The following DCLRE1A variants were observed in gnomAD, a reference collection of about 807,000 sequenced individuals.
DCLRE1A encodes DNA cross-link repair 1A, also known as DNA cross-link repair 1A protein.
In DCLRE1A, 64 loss-of-function variants were observed where a neutral mutation model predicts 91.9. The observed-to-expected ratio is 0.70, with a 90% confidence interval of 0.57 to 0.86. DCLRE1A has a LOEUF of 0.86. Among genes scored for constraint, DCLRE1A ranks in the 40% least tolerant of loss-of-function variants. DCLRE1A has a pLI of 0.00. For missense variants in DCLRE1A, 1,145 were observed against 1,213.3 expected, an observed-to-expected ratio of 0.94 and a Z score of 0.84; for synonymous variants, 416 against 431.1, an observed-to-expected ratio of 0.96 and a Z score of 0.43.
In DCLRE1A at chr10:113,841,626, G is replaced by T; in HGVS notation, c.2666-66C>A. The T allele has an allele frequency of 2.0e-6, 3 of 1,487,616 alleles. No individual in the cohort carries two copies. In the South Asian group the frequency reaches 4.2e-5, roughly 21 times the overall value. 92.2% of individuals were successfully genotyped at this position (1,487,616 alleles called of 1,614,324 possible). On this transcript the variant is annotated intron_variant, in intron 6 of 8. Transcript: ENST00000361384. ...CTTGTGAAAAAAAGTTACAGCTTAAGCAAATTTTAAGGTAAGAATTTACCA... is the reference window on the plus strand; with the variant it reads ...CTTGTGAAAAAAAGTTACAGCTTAATCAAATTTTAAGGTAAGAATTTACCA...
Position 113,841,403 on chromosome 10 carries a change from T to A in DCLRE1A, c.2820+3A>T, listed in dbSNP as rs1234563970. The A allele has an allele frequency of 6.2e-7, 1 of 1,611,944 alleles. No homozygotes were observed. The highest frequency in any genetic ancestry group is 1.3e-5 in the African/African-American group (1 of 74,970). ...CTAAAAGACATATCTCTTGAATGCT[T>A]ACCTTAAAATTAATTTGCATCATTG... is the stretch of plus-strand genomic sequence containing the variant. On this transcript the variant is annotated splice_donor_region_variant and intron_variant, in intron 7 of 8. Transcript: ENST00000361384.
chr10:113,845,894 T>A (rs2134660857), intron 3 of DCLRE1A, 91 bp from the exon 4 acceptor site: 2 of 1,046,548 alleles, frequency 1.9e-6, no homozygotes, highest in Admixed American at 1.7e-5. Flanking sequence ...CTTAATAACA[T>A]CCATTTTCCT....
intron 7 of DCLRE1A, among the ~76,000 whole-genome samples, chr10:113,838,056 G>C (rs1257809163): frequency 2.0e-5 from 3 of 151,890 alleles, no homozygotes; most frequent in Non-Finnish European, 2.9e-5. Context: ...TCAAATAAGA[G>C]CCTTTTATTA....
At chr10:113,844,519 C>G (rs772599942) in intron 4 of DCLRE1A, among the ~76,000 whole-genome samples, 1 of 152,222 alleles carries the variant, frequency 6.6e-6, no homozygotes, top group Non-Finnish European at 1.5e-5. Flanking sequence ...GAAATGAACT[C>G]TGAACCCTAG....
intron 2 of DCLRE1A, 29 bp downstream of exon 2, chr10:113,848,951 A>G: frequency 6.3e-7 from 1 of 1,579,802 alleles, no homozygotes; most frequent in African/African-American, 1.4e-5. Flanking sequence ...GTCTTTGTTG[A>G]TATATCGAGT....
chr10:113,849,932 A>C lies in DCLRE1A; in HGVS notation c.1173T>G (p.Asn391Lys), dbSNP rs1845613896. Residue 391 changes from asparagine to lysine, a missense_variant, in exon 2 of 9, where the codon AAT becomes AAG. Asn to Lys is a moderately conservative substitution (Grantham distance 94, BLOSUM62 0). Transcript: ENST00000361384. ...GATCATAAGGCAAAGTACTCTCATT[A>C]TTTTGAGAAATAGGTTGAGACAAAT... ...LNDLSQPISQ[N>K]NESTLPYDLA... 6.2e-7 allele frequency: 1 copy of C among 1,613,936 alleles called. No individual in the cohort carries two copies. The highest frequency in any genetic ancestry group is 8.5e-7 in the Non-Finnish European group (1 of 1,180,024).
Position 113,850,175 on chromosome 10 carries a change from A to G in DCLRE1A, c.930T>C (p.His310=), listed in dbSNP as rs1339106312. Residue 310 remains histidine (H), a synonymous_variant, in exon 2 of 9, where the codon CAT becomes CAC. Coordinates refer to ENST00000361384, the MANE Select transcript of DCLRE1A (RefSeq NM_014881.5). ...YSPLQSDEDT[H]DIDEKPDDSQ... is the part of the protein sequence containing the mutation. ...AATCATCCGGTTTTTCATCGATATC[A>G]TGAGTGTCTTCATCACTTTGAAGTG... is the stretch of plus-strand genomic sequence containing the variant. 7 of 1,614,038 alleles carry G rather than the reference A, an allele frequency of 4.3e-6. No homozygotes were observed. The South Asian group carries it at 6.6e-5, about 15-fold the overall frequency.
intron 3 of DCLRE1A, 152 bp from the exon 4 acceptor site, chr10:113,845,955 G>A: frequency 1.4e-6 from 1 of 737,274 alleles, no homozygotes; most frequent in Non-Finnish European, 2.4e-6. Context: ...TTCCTATAAT[G>A]GCTGTGCCAC....
chr10:113,849,778 GTTTA>G lies in DCLRE1A; in HGVS notation c.1323_1326del (p.Lys442ArgfsTer4). ...GATGATTCTTCAATTACCTGTTTCT[GTTTA>G]TTTGATTGAGCTGAGTGAAATTCTG... is the stretch of plus-strand genomic sequence containing the variant. On this transcript the variant is annotated frameshift_variant, in exon 2 of 9. Coordinates refer to ENST00000361384, the MANE Select transcript of DCLRE1A (RefSeq NM_014881.5). LOFTEE classifies it high-confidence loss of function. 1 of 1,614,106 alleles carries G rather than the reference GTTTA, an allele frequency of 6.2e-7. No individual in the cohort carries two copies. Among genetic ancestry groups the G allele is most frequent in the Non-Finnish European group, 8.5e-7 (1 of 1,180,010 alleles).
chr10:113,838,000 A>G (rs1296860171), intron 7 of DCLRE1A, among the ~76,000 whole-genome samples: 3 of 152,138 alleles, frequency 2.0e-5, no homozygotes, highest in Non-Finnish European at 4.4e-5. Context: ...TGAATAATAA[A>G]ATTCATTTTA....
rs1564845010 is a variant in DCLRE1A, at chr10:113,849,376, C to T, written c.1729G>A (p.Glu577Lys). Residue 577 changes from glutamate to lysine, a missense_variant, in exon 2 of 9, where the codon GAA becomes AAA. Coordinates refer to ENST00000361384, the MANE Select transcript of DCLRE1A (RefSeq NM_014881.5). ...AAGTTTATCCCTTCTAATGCACTTT[C>T]CCCTAGCAATTTCTCTTCCTTTCTT... The part of the protein sequence containing the change: ...PKRKEEKLLG[E>K]SALEGINLNP... The T allele has an allele frequency of 6.2e-7, 1 of 1,613,906 alleles. No homozygotes were observed. The highest frequency in any genetic ancestry group is 1.1e-5 in the South Asian group (1 of 91,038).
chr10:113,839,110 G>A (rs757723138), intron 7 of DCLRE1A, among the ~76,000 whole-genome samples: 4 of 152,132 alleles, frequency 2.6e-5, no homozygotes, highest in Non-Finnish European at 4.4e-5. Context: ...CAGATCACGA[G>A]GTCAGGAGAT....
chr10:113,840,745 T>C (rs983516971), intron 7 of DCLRE1A, among the ~76,000 whole-genome samples: 3 of 152,214 alleles, frequency 2.0e-5, no homozygotes, highest in Admixed American at 6.5e-5. Context: ...TGAAAATACA[T>C]TGTTTCATGC....
chr10:113,841,568 C>A lies in DCLRE1A; in HGVS notation c.2666-8G>T. On this transcript the variant is annotated splice_region_variant and splice_polypyrimidine_tract_variant and intron_variant, in intron 6 of 8. Transcript: ENST00000361384. ...CTAAAACATCAGCAATGGCTATGGGCAAAAGAAAAGATTAAAAATAGTAAA... is the reference window on the plus strand; with the variant it reads ...CTAAAACATCAGCAATGGCTATGGGAAAAAGAAAAGATTAAAAATAGTAAA... 6.3e-7 allele frequency: 1 copy of A among 1,581,052 alleles called. No individual in the cohort carries two copies. The highest frequency in any genetic ancestry group is 1.4e-5 in the African/African-American group (1 of 72,588).
intron 3 of DCLRE1A, among the ~76,000 whole-genome samples, chr10:113,846,661 G>T (rs868200631): frequency 2.0e-5 from 3 of 152,000 alleles, no homozygotes; most frequent in South Asian, 2.1e-4. Context: ...AAAATCTCAG[G>T]ATGCTCAAGT....
chr10:113,852,769 T>C lies in DCLRE1A; in HGVS notation c.414A>G (p.Arg138=), dbSNP rs760166884. The change falls in exon 1 of 9, where the codon CGA becomes CGG. Residue 138 remains arginine (R), a synonymous_variant. Coordinates refer to ENST00000361384, the MANE Select transcript of DCLRE1A (RefSeq NM_014881.5). ...AATCCAAACATTCAAAAACATGCCA[T>C]CGAGGTGTCTGCCCTATCAATGAGG... is the stretch of plus-strand genomic sequence containing the variant. The part of the protein sequence containing the change: ...PFSSLIGQTP[R]WHVFECLDSP... 5.6e-6 allele frequency: 9 copies of C among 1,614,210 alleles called. No individual in the cohort carries two copies. The South Asian group carries it at 8.8e-5, about 16-fold the overall frequency.
chr10:113,850,358 A>G lies in DCLRE1A; in HGVS notation c.747T>C (p.Ser249=). Residue 249 remains serine, a synonymous_variant, in exon 2 of 9, where the codon TCT becomes TCC. Coordinates refer to ENST00000361384, the MANE Select transcript of DCLRE1A (RefSeq NM_014881.5). The part of the protein sequence containing the change: ...PSLTEASEKI[S]THIQTSQQAL... ...CTTGTTGGGATGTTTGGATATGAGTAGAAATCTTTTCACTGGCTTCAGTCA... is the reference window on the plus strand; with the variant it reads ...CTTGTTGGGATGTTTGGATATGAGTGGAAATCTTTTCACTGGCTTCAGTCA... 1 of 1,614,254 alleles carries G rather than the reference A, an allele frequency of 6.2e-7. No individual in the cohort carries two copies. Among genetic ancestry groups the G allele is most frequent in the Non-Finnish European group, 8.5e-7 (1 of 1,180,046 alleles).
chr10:113,850,354 G>C lies in DCLRE1A; in HGVS notation c.751C>G (p.His251Asp). Reference protein sequence around the residue: ...LTEASEKISTHIQTSQQALQF... With the variant: ...LTEASEKISTDIQTSQQALQF... ...AGAGCTTGTTGGGATGTTTGGATAT[G>C]AGTAGAAATCTTTTCACTGGCTTCA... The change falls in exon 2 of 9, where the codon CAT (histidine) becomes GAT (aspartate). Residue 251 changes from histidine to aspartate, a missense_variant. His to Asp is a moderately conservative substitution (Grantham distance 81). Coordinates refer to ENST00000361384, the MANE Select transcript of DCLRE1A (RefSeq NM_014881.5). 2 of 1,614,202 alleles carry C rather than the reference G, an allele frequency of 1.2e-6. No individual in the cohort carries two copies. The highest frequency in any genetic ancestry group is 4.5e-5 in the East Asian group (2 of 44,886).
Position 113,849,872 on chromosome 10 carries a change from T to C in DCLRE1A, c.1233A>G (p.Pro411=), listed in dbSNP as rs1267906411. ...CAGCAAGCTTCCCTGCCAATGCAGG[T>C]GGAAACAACACAAAATCACCACCAG... ...ACTGGDFVLF[P]PALAGKLAAS... Residue 411 remains proline (P), a synonymous_variant, in exon 2 of 9, where the codon CCA becomes CCG. Coordinates refer to ENST00000361384, the MANE Select transcript of DCLRE1A (RefSeq NM_014881.5). The C allele has an allele frequency of 6.2e-7, 1 of 1,613,934 alleles. No homozygotes were observed. The highest frequency in any genetic ancestry group is 8.5e-7 in the Non-Finnish European group (1 of 1,180,018).
Sources: gnomAD v4.1 joint callset for allele counts (sites outside exome capture counted in the v4.1 genomes callset) on GRCh38, gnomAD v4.1.1 for gene constraint, MANE v1.5 for transcripts, NCBI Gene and HGNC (gene_info 2026-07-23, HGNC 2026-07-21) for gene names.